The following CACNG2 variants were observed in gnomAD, a reference collection of about 807,000 sequenced individuals.
CACNG2 encodes voltage-dependent calcium channel gamma-2 subunit.
A neutral mutation model predicts 25.9 loss-of-function variants in CACNG2; 3 were observed. The observed-to-expected ratio is 0.12, with a 90% CI of 0.05 to 0.30. CACNG2 has a LOEUF of 0.30. Among genes scored for constraint, CACNG2 ranks in the 10% least tolerant of loss-of-function variants. The pLI is 1.00. For synonymous variants in CACNG2, 167 were observed against 173.3 expected, an observed-to-expected ratio of 0.96 and a Z score of 0.29; for missense variants, 341 against 432.5, an observed-to-expected ratio of 0.79 and a Z score of 1.88.
chr22:36,678,287 G>T (rs1937043081), intron 1 of CACNG2, among the ~76,000 whole-genome samples: 1 of 152,186 alleles, frequency 6.6e-6, no homozygotes, highest in Non-Finnish European at 1.5e-5. Flanking sequence ...GAGGAGGAAA[G>T]CCTATTTTCA....
chr22:36,583,414 C>T (rs1207149854), intron 2 of CACNG2, among the ~76,000 whole-genome samples: 3 of 142,672 alleles, frequency 2.1e-5, no homozygotes, highest in Non-Finnish European at 4.5e-5. Flanking sequence ...GCCTGGGTGA[C>T]AGAGCAAGAT....
At chr22:36,636,079 C>T (rs887905304) in intron 1 of CACNG2, among the ~76,000 whole-genome samples, 6 of 152,096 alleles carry the variant, frequency 3.9e-5, no homozygotes, top group African/African-American at 9.7e-5. Flanking sequence ...TCACTCCTGC[C>T]GTTTCTCACC....
intron 1 of CACNG2, among the ~76,000 whole-genome samples, chr22:36,642,886 G>T (rs1352822595): frequency 6.6e-6 from 1 of 152,194 alleles, no homozygotes; most frequent in East Asian, 1.9e-4. Context: ...CATCACTTAT[G>T]GGCAGATGTG....
In CACNG2 at chr22:36,663,342, G is replaced by A. The variant is rs9610557; in HGVS notation, c.211+39024C>T. The stretch of plus-strand genomic sequence containing the variant: ...AAAGGTCTTTGGTTTTCGCCAAGGG[G>A]TACTTCGAGGAAAGGGCCACCCCTA... On this transcript the variant is annotated intron_variant, in intron 1 of 3. Transcript: ENST00000300105. Among the ~76,000 whole-genome samples the A allele has an allele frequency of 6.6e-5, 10 of 152,098 alleles. No individual in the cohort carries two copies. In the South Asian group the frequency reaches 2.1e-3, roughly 32 times the overall value.
At chr22:36,577,150 G>C (rs1935332238) in intron 2 of CACNG2, among the ~76,000 whole-genome samples, 1 of 152,160 alleles carries the variant, frequency 6.6e-6, no homozygotes, top group Non-Finnish European at 1.5e-5. Flanking sequence ...GTGCTATGAG[G>C]AGTAACTGAG....
Position 36,613,154 on chromosome 22 carries a change from C to CTGTGTG in CACNG2, c.212-25607_212-25606insCACACA, listed in dbSNP as rs199852721. Among the ~76,000 whole-genome samples the CTGTGTG allele has an allele frequency of 5.2e-3, 387 of 73,992 alleles. 2 individuals carry two copies. Among genetic ancestry groups the CTGTGTG allele is most frequent in the African/African-American group, 0.012 (375 of 31,790 alleles). 48.5% of individuals were successfully genotyped at this position (73,992 alleles called of 152,430 possible). On this transcript the variant is annotated intron_variant, in intron 1 of 3. Transcript: ENST00000300105. Reference sequence around the variant, plus strand: ...CCAAAAGTTCATTTCATTACAGGCTCTCTGTGTGTGTGTGTGTGTGTGTGT... The same window carrying CTGTGTG: ...CCAAAAGTTCATTTCATTACAGGCTCTGTGTGTCTGTGTGTGTGTGTGTGTGTGTGT...
intron 1 of CACNG2, among the ~76,000 whole-genome samples, chr22:36,592,293 G>A (rs1227105021): frequency 3.3e-5 from 5 of 151,690 alleles, no homozygotes; most frequent in African/African-American, 1.2e-4. Context: ...GGGTTGGGGT[G>A]GGGTCAAAGC....
At chr22:36,652,410 G>A (rs1009635774) in intron 1 of CACNG2, among the ~76,000 whole-genome samples, 26 of 152,060 alleles carry the variant, frequency 1.7e-4, no homozygotes, top group African/African-American at 5.6e-4. Flanking sequence ...ACAGTCTCTC[G>A]GGCCTTCTTC....
intron 1 of CACNG2, among the ~76,000 whole-genome samples, chr22:36,618,655 C>T (rs1603501782): frequency 6.6e-6 from 1 of 152,194 alleles, no homozygotes; most frequent in African/African-American, 2.4e-5. Flanking sequence ...GGCACGGTGG[C>T]TCCACCTATA....
rs1324143720 is a variant in CACNG2, at chr22:36,702,810, G to A, written c.-234C>T. On this transcript the variant is annotated 5_prime_UTR_variant, in exon 1 of 4. Transcript: ENST00000300105. The stretch of plus-strand genomic sequence containing the variant: ...ACACGGGAAGAGGCTTGCCTTTTGA[G>A]ATCAGAAACTGTTCCAGTTGCAGTG... The A allele has an allele frequency of 2.2e-5, 8 of 367,972 alleles. No homozygotes were observed. The highest frequency in any genetic ancestry group is 5.5e-5 in the South Asian group (1 of 18,346). 22.8% of individuals were successfully genotyped at this position (367,972 alleles called of 1,614,324 possible).
intron 1 of CACNG2, among the ~76,000 whole-genome samples, chr22:36,616,261 A>G (rs1218833700): frequency 6.6e-6 from 1 of 152,200 alleles, no homozygotes; most frequent in Admixed American, 6.5e-5. Context: ...GAACTCTGTA[A>G]ATGTTACTTA....
chr22:36,589,344 T>C (rs1935552681), intron 1 of CACNG2, among the ~76,000 whole-genome samples: 1 of 152,102 alleles, frequency 6.6e-6, no homozygotes, highest in Admixed American at 6.6e-5. Context: ...ATATATTAGG[T>C]TGGTGCAAAA....
At chr22:36,657,494 C>T (rs987947693) in intron 1 of CACNG2, among the ~76,000 whole-genome samples, 8 of 152,072 alleles carry the variant, frequency 5.3e-5, no homozygotes, top group Non-Finnish European at 1.2e-4. Flanking sequence ...GAGGTGTGCA[C>T]GTTGCTCCAG....
At chr22:36,572,315 A>C (rs951809057) in intron 2 of CACNG2, among the ~76,000 whole-genome samples, 2 of 152,218 alleles carry the variant, frequency 1.3e-5, no homozygotes, top group African/African-American at 4.8e-5. Context: ...AGGGAAAGAC[A>C]GCAAATATTT....
intron 1 of CACNG2, among the ~76,000 whole-genome samples, chr22:36,622,610 C>A (rs1018821636): frequency 6.6e-6 from 1 of 152,158 alleles, no homozygotes; most frequent in Admixed American, 6.5e-5. Flanking sequence ...AGGGAGGGAA[C>A]AATTTTTAGG....
In CACNG2 at chr22:36,698,650, G is replaced by C. The variant is rs187577063; in HGVS notation, c.211+3716C>G. Among the ~76,000 whole-genome samples, 628 of 152,282 alleles carry C rather than the reference G, an allele frequency of 4.1e-3. 5 individuals carry two copies. Among genetic ancestry groups the C allele is most frequent in the African/African-American group, 0.015 (607 of 41,554 alleles). ...AGCCCCTGTGAGCAAGCAGCCTGGT[G>C]GGGGCAAGAAAGGAGAAGCCACTGA... On this transcript the variant is annotated intron_variant, in intron 1 of 3. Coordinates refer to ENST00000300105, the MANE Select transcript of CACNG2 (RefSeq NM_006078.5).
chr22:36,588,497 T>C (rs1417038913), intron 1 of CACNG2, among the ~76,000 whole-genome samples: 3 of 152,234 alleles, frequency 2.0e-5, no homozygotes, highest in Non-Finnish European at 2.9e-5. Context: ...GCAGAGACTT[T>C]GTTTCATTCA....
intron 1 of CACNG2, among the ~76,000 whole-genome samples, chr22:36,679,138 C>G (rs545989583): frequency 9.3e-4 from 34 of 36,412 alleles, no homozygotes; most frequent in African/African-American, 3.0e-3. Context: ...GATTTTCTCC[C>G]TTCCTTCCTT....
At chr22:36,664,358 G>C (rs1156709781) in intron 1 of CACNG2, among the ~76,000 whole-genome samples, 1 of 152,222 alleles carries the variant, frequency 6.6e-6, no homozygotes, top group Non-Finnish European at 1.5e-5. Flanking sequence ...GAGACGCACT[G>C]TTCTAGCCAC....
Sources: gnomAD v4.1 joint callset for allele counts (sites outside exome capture counted in the v4.1 genomes callset) on GRCh38, gnomAD v4.1.1 for gene constraint, MANE v1.5 for transcripts, NCBI Gene and HGNC (gene_info 2026-07-23, HGNC 2026-07-21) for gene names.